The following JMY variants were observed in gnomAD, a reference collection of about 807,000 sequenced individuals.
JMY encodes the protein junction-mediating and -regulatory protein.
In JMY, 46 loss-of-function variants were observed where a neutral mutation model predicts 103.3. That is an observed-to-expected ratio of 0.45 (90% CI 0.35 to 0.57). JMY has a LOEUF of 0.57. Ranked by LOEUF, JMY falls within the 20% of genes least tolerant of loss-of-function variation. The pLI, the probability that JMY is intolerant of heterozygous loss-of-function variation, is 0.00. For missense variants in JMY, 1,238 were observed against 1,255.2 expected (o/e 0.99, Z 0.21); for synonymous variants, 526 against 489.3 (o/e 1.07, Z -0.99).
At chr5:79,318,657 A>C (rs1477752535) in intron 10 of JMY, among the ~76,000 whole-genome samples, 1 of 151,724 alleles carries the variant, frequency 6.6e-6, no homozygotes, top group Non-Finnish European at 1.5e-5. Flanking sequence ...TGTAACAGTC[A>C]CTTTGTATGA....
chr5:79,310,578 T>C (rs1234545924), intron 7 of JMY, among the ~76,000 whole-genome samples: 3 of 152,204 alleles, frequency 2.0e-5, no homozygotes, highest in Non-Finnish European at 4.4e-5. Context: ...CAGAACCTCT[T>C]ATGTGGTGGA....
intron 1 of JMY, among the ~76,000 whole-genome samples, chr5:79,270,046 G>A (rs1745698741): frequency 1.3e-5 from 2 of 151,830 alleles, no homozygotes; most frequent in African/African-American, 2.4e-5. Context: ...GGAGTGTGTG[G>A]GTGTGTGTAC....
chr5:79,284,430 G>A (rs1475302254), intron 2 of JMY: 11 of 1,508,752 alleles, frequency 7.3e-6, no homozygotes, highest in African/African-American at 2.7e-5. Context: ...ATCTTCTTCC[G>A]GATTTGGCGG....
chr5:79,265,728 T>C (rs547432128), intron 1 of JMY, among the ~76,000 whole-genome samples: 44 of 151,990 alleles, frequency 2.9e-4, no homozygotes, highest in Admixed American at 9.2e-4. Context: ...GGGAGCATGA[T>C]GACACGGCCT....
intron 7 of JMY, among the ~76,000 whole-genome samples, chr5:79,309,026 T>C (rs1301200955): frequency 2.6e-5 from 4 of 152,184 alleles, no homozygotes; most frequent in African/African-American, 9.7e-5. Flanking sequence ...TACAAAACAA[T>C]TGACTTTTGT....
chr5:79,252,102 A>G (rs1474410386), intron 1 of JMY, among the ~76,000 whole-genome samples: 6 of 152,158 alleles, frequency 3.9e-5, no homozygotes, highest in Non-Finnish European at 5.9e-5. Context: ...ATAGGCACTT[A>G]TAGCTATAAG....
chr5:79,264,534 C>T (rs1466654091), intron 1 of JMY, among the ~76,000 whole-genome samples: 6 of 151,988 alleles, frequency 3.9e-5, no homozygotes, highest in Admixed American at 1.3e-4. Flanking sequence ...TGAGCCACTG[C>T]GCCTGGCATA....
chr5:79,267,213 A>T (rs1042128486), intron 1 of JMY, among the ~76,000 whole-genome samples: 1 of 152,178 alleles, frequency 6.6e-6, no homozygotes, highest in African/African-American at 2.4e-5. Context: ...AATTTTTTGT[A>T]CAGTTCTGGG....
chr5:79,277,841 A>G (rs982492064), intron 1 of JMY, 69 bp from the exon 2 acceptor site: 15 of 1,395,756 alleles, frequency 1.1e-5, no homozygotes, highest in South Asian at 1.4e-5. Flanking sequence ...TGATAGGGAG[A>G]GTTCAAAGCA....
intron 6 of JMY, among the ~76,000 whole-genome samples, chr5:79,301,549 T>C (rs1746734100): frequency 6.6e-6 from 1 of 152,216 alleles, no homozygotes; most frequent in South Asian, 2.1e-4. Flanking sequence ...TACCTTTGCT[T>C]TTTGAAATAG....
chr5:79,255,101 G>A (rs1189989925), intron 1 of JMY, among the ~76,000 whole-genome samples: 7 of 147,860 alleles, frequency 4.7e-5, no homozygotes, highest in Non-Finnish European at 8.9e-5. Flanking sequence ...TGAATTCTCT[G>A]TCTGAAAGGT....
At chr5:79,307,942 G>T (rs577954595) in intron 7 of JMY, among the ~76,000 whole-genome samples, 50 of 152,122 alleles carry the variant, frequency 3.3e-4, no homozygotes, top group Admixed American at 5.2e-4. Context: ...TCACCATGTT[G>T]GCCAGGCTGG....
In JMY at chr5:79,322,973, A is replaced by AAAAG. The variant is rs1203512293; in HGVS notation, c.*1375_*1378dup. The AAAAG allele has an allele frequency of 3.9e-5, 6 of 152,350 alleles. No individual in the cohort carries two copies. The highest frequency in any genetic ancestry group is 7.4e-5 in the Non-Finnish European group (5 of 68,024). 9.4% of individuals were successfully genotyped at this position (152,350 alleles called of 1,614,324 possible). A position where few individuals can be genotyped will look rare whatever the true frequency, so the allele number is the denominator to read the frequency against. On this transcript the variant is annotated 3_prime_UTR_variant, in exon 11 of 11. Transcript: ENST00000396137. ...ATATGAATTGGTATTCCTAGAGAAAAAAAGAAATGCTCACACCTTTGTTAT... is the reference window on the plus strand; with the variant it reads ...ATATGAATTGGTATTCCTAGAGAAAAAAAGAAAGAAATGCTCACACCTTTGTTAT...
intron 1 of JMY, among the ~76,000 whole-genome samples, chr5:79,263,883 C>T (rs1163074997): frequency 1.3e-5 from 2 of 151,696 alleles, no homozygotes; most frequent in Non-Finnish European, 2.9e-5. Context: ...CTGCAGTCTC[C>T]GCCTCCCAGG....
At chr5:79,293,759 A>G (rs941318696) in intron 4 of JMY, among the ~76,000 whole-genome samples, 6 of 152,200 alleles carry the variant, frequency 3.9e-5, no homozygotes, top group African/African-American at 1.4e-4. Flanking sequence ...AACTGCTGAA[A>G]ATACTGTGTT....
intron 4 of JMY, among the ~76,000 whole-genome samples, chr5:79,294,821 G>A (rs1482794219): frequency 6.7e-6 from 1 of 150,332 alleles, no homozygotes; most frequent in African/African-American, 2.5e-5. Context: ...TGATGCCACT[G>A]CACTCAAGCC....
rs1017856572 is a variant in JMY, at chr5:79,260,849, T to C, written c.1033-17061T>C. Among the ~76,000 whole-genome samples, 6 of 152,264 alleles carry C rather than the reference T, an allele frequency of 3.9e-5. No homozygotes were observed. The South Asian group carries it at 1.2e-3, about 32-fold the overall frequency. On this transcript the variant is annotated intron_variant, in intron 1 of 10. Coordinates refer to ENST00000396137, the MANE Select transcript of JMY (RefSeq NM_152405.5). The stretch of plus-strand genomic sequence containing the variant: ...TGGGCAGTGTAAATGTGGAAATGTA[T>C]GGCACTGGTCCTTATTTCTCAGTAG...
In JMY at chr5:79,237,178, G is replaced by C. The variant is rs545856759; in HGVS notation, c.528G>C (p.Gln176His). 2 of 1,550,072 alleles carry C rather than the reference G, an allele frequency of 1.3e-6. No homozygotes were observed. The highest frequency in any genetic ancestry group is 2.7e-5 in the African/African-American group (2 of 73,178). The change falls in exon 1 of 11, where the codon CAG becomes CAC. Residue 176 changes from glutamine to histidine, a missense_variant. Physicochemically the swap from Gln to His is conservative, Grantham distance 24 (BLOSUM62 0). Coordinates refer to ENST00000396137, the MANE Select transcript of JMY (RefSeq NM_152405.5). ...CCCGGCCGGCGCCCAGAGAGGCCCA[G>C]GTGTCCTCTGTACGGATAGTGAGCG... ...AAARPAPREAQVSSVRIVSAS... is the reference protein window; with the variant it reads ...AAARPAPREAHVSSVRIVSAS...
chr5:79,266,167 C>T (rs1379045351), intron 1 of JMY, among the ~76,000 whole-genome samples: 3 of 152,152 alleles, frequency 2.0e-5, no homozygotes, highest in Non-Finnish European at 4.4e-5. Context: ...AGGTATTTGC[C>T]TCTCATTCAC....
Sources: gnomAD v4.1 joint callset for allele counts (sites outside exome capture counted in the v4.1 genomes callset) on GRCh38, gnomAD v4.1.1 for gene constraint, MANE v1.5 for transcripts, NCBI Gene and HGNC (gene_info 2026-07-23, HGNC 2026-07-21) for gene names.